The following DOCK2 variants were observed in gnomAD, a reference collection of about 807,000 sequenced individuals.
DOCK2 encodes the protein dedicator of cytokinesis 2, also known as dedicator of cytokinesis protein 2.
Under a neutral mutation model 248.9 loss-of-function variants are expected in DOCK2, and 87 were observed. The observed-to-expected ratio is 0.35, with a 90% CI of 0.29 to 0.42. The LOEUF (loss-of-function observed/expected upper bound fraction) is 0.42. Ranked by LOEUF, DOCK2 falls within the 10% of genes least tolerant of loss-of-function variation. The pLI, the probability that DOCK2 is intolerant of heterozygous loss-of-function variation, is 1.00. For missense variants in DOCK2, 1,747 were observed against 2,300.2 expected, an observed-to-expected ratio of 0.76 and a Z score of 4.92; for synonymous variants, 805 against 821.6, an observed-to-expected ratio of 0.98 and a Z score of 0.35.
chr5:169,991,193 G>C (rs1778197010), intron 29 of DOCK2, among the ~76,000 whole-genome samples: 1 of 152,242 alleles, frequency 6.6e-6, no homozygotes, highest in South Asian at 2.1e-4. Flanking sequence ...CTGGGCCTGG[G>C]CCAGGGAGTA....
intron 22 of DOCK2, among the ~76,000 whole-genome samples, chr5:169,724,826 C>T (rs1263606628): frequency 6.6e-6 from 1 of 151,864 alleles, no homozygotes; most frequent in Non-Finnish European, 1.5e-5. Flanking sequence ...CTTATCCCCT[C>T]CCACCAGCTC....
At chr5:169,704,614 G>C (rs1440766596) in intron 14 of DOCK2, among the ~76,000 whole-genome samples, 1 of 152,148 alleles carries the variant, frequency 6.6e-6, no homozygotes, top group Non-Finnish European at 1.5e-5. Context: ...AAACAAAAGA[G>C]TAGGTATTAA....
chr5:169,939,517 G>A (rs369782151), intron 27 of DOCK2, among the ~76,000 whole-genome samples: 46 of 152,180 alleles, frequency 3.0e-4, no homozygotes, highest in South Asian at 4.2e-4. Context: ...AGTAACAGTC[G>A]TTTATTATTA....
chr5:169,686,655 C>T (rs6897449), intron 8 of DOCK2, among the ~76,000 whole-genome samples: 2,857 of 152,336 alleles, frequency 0.019, 89 homozygotes, highest in African/African-American at 0.063. Flanking sequence ...TGGGCTCCTG[C>T]CTGCTGTAGC....
intron 1 of DOCK2, among the ~76,000 whole-genome samples, chr5:169,653,978 C>G (rs1033997848): frequency 6.6e-6 from 1 of 152,226 alleles, no homozygotes; most frequent in Non-Finnish European, 1.5e-5. Flanking sequence ...CTGCCTGGCT[C>G]TCCTGCTATC....
At chr5:169,943,813 C>A (rs1190841779) in intron 27 of DOCK2, among the ~76,000 whole-genome samples, 2 of 152,196 alleles carry the variant, frequency 1.3e-5, no homozygotes, top group Non-Finnish European at 1.5e-5. Flanking sequence ...AGCCAGCCCC[C>A]AAGGTGACTC....
At chr5:170,032,774 C>T (rs574753258) in intron 34 of DOCK2, among the ~76,000 whole-genome samples, 10 of 152,168 alleles carry the variant, frequency 6.6e-5, no homozygotes, top group South Asian at 2.1e-4. Flanking sequence ...TTTGAGACGT[C>T]GCCTTCTTGC....
At chr5:169,953,785 T>A (rs1187702173) in intron 27 of DOCK2, among the ~76,000 whole-genome samples, 1 of 152,210 alleles carries the variant, frequency 6.6e-6, no homozygotes, top group Non-Finnish European at 1.5e-5. Flanking sequence ...ACACCTGGGA[T>A]GGCAAGCATT....
chr5:169,801,368 C>T (rs1483718381), intron 25 of DOCK2, among the ~76,000 whole-genome samples: 1 of 152,016 alleles, frequency 6.6e-6, no homozygotes, highest in African/African-American at 2.4e-5. Context: ...TTACCACTTA[C>T]TAGCTGTGTA....
Position 169,975,196 on chromosome 5 carries a change from A to C in DOCK2, c.2800-7872A>C, listed in dbSNP as rs563130343. ...GTGACAACCATCAGGAATGAGGAAG[A>C]GTCAACATTTAAAACATAATTTGTG... On this transcript the variant is annotated intron_variant, in intron 27 of 51. Coordinates refer to ENST00000520908, the MANE Select transcript of DOCK2 (RefSeq NM_004946.3). Among the ~76,000 whole-genome samples, 106 of 152,326 alleles carry C rather than the reference A, an allele frequency of 7.0e-4. 1 individual carries two copies. Among genetic ancestry groups the C allele is most frequent in the African/African-American group, 2.4e-3 (99 of 41,570 alleles).
intron 27 of DOCK2, among the ~76,000 whole-genome samples, chr5:169,857,743 A>C (rs1382233581): frequency 6.6e-6 from 1 of 152,058 alleles, no homozygotes; most frequent in Non-Finnish European, 1.5e-5. Context: ...TAAAAAAAAA[A>C]AAAAGAAAAA....
chr5:169,917,299 C>T (rs970373109), intron 27 of DOCK2, among the ~76,000 whole-genome samples: 4 of 152,150 alleles, frequency 2.6e-5, no homozygotes, highest in African/African-American at 9.7e-5. Context: ...CCCATGACAC[C>T]CAAGTGTCAA....
At chr5:169,708,843 G>A (rs1761426437) in intron 15 of DOCK2, among the ~76,000 whole-genome samples, 1 of 152,186 alleles carries the variant, frequency 6.6e-6, no homozygotes, top group Non-Finnish European at 1.5e-5. Context: ...GGGATTATGG[G>A]CATGAGCCAC....
At chr5:169,817,024 T>C (rs1768104141) in intron 26 of DOCK2, among the ~76,000 whole-genome samples, 1 of 152,214 alleles carries the variant, frequency 6.6e-6, no homozygotes, top group South Asian at 2.1e-4. Flanking sequence ...CTCGTTCCTA[T>C]TGCTTTCTAG....
intron 27 of DOCK2, among the ~76,000 whole-genome samples, chr5:169,843,314 T>TC (rs1770099465): frequency 6.6e-6 from 1 of 152,002 alleles, no homozygotes; most frequent in Non-Finnish European, 1.5e-5. Context: ...ACCTTTTTTT[T>TC]AAAAGCAGTT....
At chr5:170,024,308 G>T (rs1257431477) in intron 33 of DOCK2, among the ~76,000 whole-genome samples, 1 of 151,974 alleles carries the variant, frequency 6.6e-6, no homozygotes, top group African/African-American at 2.4e-5. Context: ...GACAGTGTTG[G>T]GGGTAAGGAC....
At chr5:170,082,074 G>A in intron 51 of DOCK2, 90 bp downstream of exon 51, 1 of 1,533,142 alleles carries the variant, frequency 6.5e-7, no homozygotes, top group South Asian at 1.3e-5. Context: ...GGGGTTGTGT[G>A]TGCATATGTG....
intron 30 of DOCK2, among the ~76,000 whole-genome samples, chr5:170,004,521 G>A (rs959800630): frequency 6.6e-6 from 1 of 152,038 alleles, no homozygotes; most frequent in African/African-American, 2.4e-5. Flanking sequence ...ATTCCTCAGG[G>A]ATCTAGAACT....
intron 27 of DOCK2, among the ~76,000 whole-genome samples, chr5:169,926,968 C>T (rs985653520): frequency 6.6e-5 from 10 of 152,170 alleles, no homozygotes; most frequent in African/African-American, 2.4e-4. Context: ...AGGCTGGCTA[C>T]TTTAGGTGGG....
Sources: allele counts gnomAD v4.1 joint callset (sites outside exome capture counted in the v4.1 genomes callset), GRCh38; gene constraint gnomAD v4.1.1; transcripts MANE v1.5; gene names NCBI Gene and HGNC (gene_info 2026-07-23, HGNC 2026-07-21).